CSMD1: variants seen among roughly 807,000 people sequenced by gnomAD.
CSMD1 encodes CUB and sushi domain-containing protein 1.
In CSMD1, 213 loss-of-function variants were observed where a neutral mutation model predicts 417.5. The observed-to-expected ratio is 0.51, with a 90% CI of 0.46 to 0.57. The LOEUF is 0.57. Among genes scored for constraint, CSMD1 ranks in the 20% least tolerant of loss-of-function variants. The pLI is 0.00. For synonymous variants in CSMD1, 2,862 were observed against 1,736.8 expected (o/e 1.65, Z -16.11); for missense variants, 6,923 against 4,529.7 (o/e 1.53, Z -15.17).
intron 2 of CSMD1, among the ~76,000 whole-genome samples, chr8:4,448,314 C>G (rs1343886065): frequency 6.6e-6 from 1 of 152,152 alleles, no homozygotes; most frequent in East Asian, 1.9e-4. Flanking sequence ...GTTTGCCGAT[C>G]TAGGAGGATT....
chr8:4,950,317 G>A (rs1270731442), intron 1 of CSMD1, among the ~76,000 whole-genome samples: 1 of 152,100 alleles, frequency 6.6e-6, no homozygotes, highest in Non-Finnish European at 1.5e-5. Flanking sequence ...ATTTTCTCAA[G>A]TGACATTTGC....
chr8:3,032,566 T>C (rs1043766562), intron 50 of CSMD1, among the ~76,000 whole-genome samples: 11 of 151,998 alleles, frequency 7.2e-5, no homozygotes, highest in African/African-American at 2.7e-4. Flanking sequence ...GGGTACTGAA[T>C]TCAAATAAAA....
At chr8:3,748,771 T>C (rs1476341502) in intron 6 of CSMD1, among the ~76,000 whole-genome samples, 1 of 152,200 alleles carries the variant, frequency 6.6e-6, no homozygotes, top group Non-Finnish European at 1.5e-5. Context: ...AAGTCTTCAT[T>C]TGGTATAAAG....
At chr8:3,683,825 A>G (rs1490397323) in intron 7 of CSMD1, among the ~76,000 whole-genome samples, 1 of 152,098 alleles carries the variant, frequency 6.6e-6, no homozygotes, top group Admixed American at 6.6e-5. Context: ...ATGTTTGCGT[A>G]ATCATTCTAA....
intron 1 of CSMD1, among the ~76,000 whole-genome samples, chr8:4,649,099 T>G (rs972153477): frequency 6.6e-6 from 1 of 152,194 alleles, no homozygotes; most frequent in East Asian, 1.9e-4. Flanking sequence ...TGAGTCATCA[T>G]TGATACACCT....
At chr8:3,872,022 T>A (rs1041358667) in intron 5 of CSMD1, among the ~76,000 whole-genome samples, 2 of 152,224 alleles carry the variant, frequency 1.3e-5, no homozygotes, top group African/African-American at 2.4e-5. Flanking sequence ...AGTATAGTGG[T>A]TAACACATTA....
At chr8:3,482,009 G>C (rs1817776954) in intron 11 of CSMD1, among the ~76,000 whole-genome samples, 1 of 152,040 alleles carries the variant, frequency 6.6e-6, no homozygotes, top group South Asian at 2.1e-4. Flanking sequence ...GTAATGCCCA[G>C]AACAACCACT....
intron 3 of CSMD1, among the ~76,000 whole-genome samples, chr8:4,252,423 A>G (rs992589419): frequency 2.0e-5 from 3 of 152,184 alleles, no homozygotes; most frequent in African/African-American, 7.2e-5. Flanking sequence ...GAGACTTGGG[A>G]AGAAATAAAC....
intron 3 of CSMD1, among the ~76,000 whole-genome samples, chr8:4,220,964 C>T (rs562746452): frequency 5.9e-5 from 9 of 152,160 alleles, no homozygotes; most frequent in African/African-American, 1.2e-4. Context: ...AGTGCGCAGG[C>T]GCCCAGAGGA....
intron 52 of CSMD1, among the ~76,000 whole-genome samples, chr8:3,016,312 C>A (rs895333037): frequency 6.6e-6 from 1 of 152,160 alleles, no homozygotes; most frequent in African/African-American, 2.4e-5. Context: ...TAGAGTCATA[C>A]AATCTACTCA....
At chr8:4,355,351 T>C (rs1054676723) in intron 3 of CSMD1, among the ~76,000 whole-genome samples, 30 of 151,912 alleles carry the variant, frequency 2.0e-4, no homozygotes, top group African/African-American at 6.3e-4. Flanking sequence ...ATATATGATA[T>C]ATATACACAC....
At chr8:4,452,816 C>T (rs1225510621) in intron 2 of CSMD1, among the ~76,000 whole-genome samples, 2 of 152,020 alleles carry the variant, frequency 1.3e-5, no homozygotes, top group East Asian at 1.9e-4. Context: ...TCCCCCAGTC[C>T]TCAATATCAG....
rs546025823 is a variant in CSMD1 at position 4,845,027 on chromosome 8, G to A, written c.85+149305C>T. 4.0e-5 allele frequency among the ~76,000 whole-genome samples: 6 copies of A among 151,622 alleles called. No homozygotes were observed. In the South Asian group the frequency reaches 1.0e-3, roughly 26 times the overall value. On this transcript the variant is annotated intron_variant, in intron 1 of 69. Coordinates refer to ENST00000635120, the MANE Select transcript of CSMD1 (RefSeq NM_033225.6). ...TCACATAATACTTAGCATTTTACAT[G>A]CATATTTACAAATTAAGTTCTACTA...
intron 1 of CSMD1, among the ~76,000 whole-genome samples, chr8:4,729,967 C>T (rs1809736128): frequency 6.6e-6 from 1 of 152,154 alleles, no homozygotes; most frequent in South Asian, 2.1e-4. Context: ...AGCCTAAACA[C>T]GGGACAAATC....
At position 2,965,840 on chromosome 8, in the gene CSMD1, A is replaced by G. The variant is rs1375694386; in HGVS notation, c.9215T>C (p.Val3072Ala). The G allele has an allele frequency of 6.2e-7, 1 of 1,608,470 alleles. No individual in the cohort carries two copies. The highest frequency in any genetic ancestry group is 2.2e-5 in the East Asian group (1 of 44,660). ...QCNPGYVMEAVTSATIRCTKD... is the reference protein window; with the variant it reads ...QCNPGYVMEAATSATIRCTKD... Reference sequence around the variant, plus strand: ...GGTACAGCGAATAGTGGCGGATGTGACTGCTTCCATGACATAGCCTGGGTT... The same window carrying G: ...GGTACAGCGAATAGTGGCGGATGTGGCTGCTTCCATGACATAGCCTGGGTT... Residue 3072 changes from valine (V) to alanine (A), a missense_variant, in exon 59 of 70, where the codon GTC (valine) becomes GCC (alanine). By Grantham distance (64) the Val-to-Ala change is moderately conservative (BLOSUM62 0). Transcript: ENST00000635120.
chr8:4,140,548 G>T (rs1391947053), intron 3 of CSMD1, among the ~76,000 whole-genome samples: 1 of 150,904 alleles, frequency 6.6e-6, no homozygotes, highest in Non-Finnish European at 1.5e-5. Context: ...TGCACCTGTA[G>T]TCTCAGCTAC....
At chr8:4,797,550 T>C (rs996039292) in intron 1 of CSMD1, among the ~76,000 whole-genome samples, 2 of 152,146 alleles carry the variant, frequency 1.3e-5, no homozygotes, top group Non-Finnish European at 2.9e-5. Context: ...CCTGACCTAA[T>C]AGCAAAAATA....
chr8:4,979,367 C>G (rs1411689054), intron 1 of CSMD1, among the ~76,000 whole-genome samples: 1 of 152,048 alleles, frequency 6.6e-6, no homozygotes, highest in Non-Finnish European at 1.5e-5. Flanking sequence ...ACAAAGAAAC[C>G]AAGTGTCAAG....
At chr8:3,940,752 ATTGTT>A (rs1810824654) in intron 5 of CSMD1, among the ~76,000 whole-genome samples, 1 of 151,838 alleles carries the variant, frequency 6.6e-6, no homozygotes, top group Non-Finnish European at 1.5e-5. Flanking sequence ...TATTTTTCAA[ATTGTT>A]TTGTTGTATA....
Sources: allele counts gnomAD v4.1 joint callset (sites outside exome capture counted in the v4.1 genomes callset), GRCh38; gene constraint gnomAD v4.1.1; transcripts MANE v1.5; gene names NCBI Gene and HGNC (gene_info 2026-07-23, HGNC 2026-07-21).